VPS41: variants seen among roughly 807,000 people sequenced by gnomAD.
VPS41 encodes the protein vacuolar protein sorting-associated protein 41 homolog.
A neutral mutation model predicts 130.9 loss-of-function variants in VPS41; 85 were observed. The ratio of observed to expected loss-of-function variants is 0.65; its 90% CI spans 0.55 to 0.78. The LOEUF (loss-of-function observed/expected upper bound fraction) is 0.78. VPS41 is among the 30% of genes least tolerant of loss of function. The pLI is 0.00. For synonymous variants in VPS41, 335 were observed against 332.9 expected, an observed-to-expected ratio of 1.01 and a Z score of -0.07; for missense variants, 874 against 1,018.7, an observed-to-expected ratio of 0.86 and a Z score of 1.93.
intron 4 of VPS41, among the ~76,000 whole-genome samples, chr7:38,837,618 T>C (rs1785522987): frequency 6.6e-6 from 1 of 152,230 alleles, no homozygotes; most frequent in African/African-American, 2.4e-5. Flanking sequence ...AGGGTGGTTT[T>C]GGGAATCCCC....
intron 22 of VPS41, among the ~76,000 whole-genome samples, chr7:38,751,301 C>A (rs1783668101): frequency 6.6e-6 from 1 of 152,148 alleles, no homozygotes; most frequent in South Asian, 2.1e-4. Context: ...TTTTGTTGGT[C>A]CACACAGCTG....
chr7:38,730,860 C>T (rs1795649939), intron 25 of VPS41, among the ~76,000 whole-genome samples: 1 of 152,094 alleles, frequency 6.6e-6, no homozygotes, highest in South Asian at 2.1e-4. Context: ...AAGAGAAAGG[C>T]AGGGCCAGCA....
intron 2 of VPS41, among the ~76,000 whole-genome samples, chr7:38,883,974 G>A (rs747370602): frequency 2.0e-5 from 3 of 152,180 alleles, no homozygotes; most frequent in Non-Finnish European, 2.9e-5. Context: ...GTGCTATGTG[G>A]AAGCTATGTG....
At position 38,731,686 on chromosome 7, in the gene VPS41, G is replaced by T. The variant is rs539529607; in HGVS notation, c.2260-2895C>A. Among the ~76,000 whole-genome samples the T allele has an allele frequency of 4.6e-5, 7 of 152,078 alleles. No homozygotes were observed. The South Asian group carries it at 1.5e-3, about 32-fold the overall frequency. ...CACATGCACACTCTTCTGTTACTCA[G>T]GTTTCGATGACCAGAATGGCACTGA... is the stretch of plus-strand genomic sequence containing the variant. On this transcript the variant is annotated intron_variant, in intron 25 of 28. Coordinates refer to ENST00000310301, the MANE Select transcript of VPS41 (RefSeq NM_014396.4).
At chr7:38,745,048 T>C (rs1795959726) in intron 23 of VPS41, among the ~76,000 whole-genome samples, 1 of 152,206 alleles carries the variant, frequency 6.6e-6, no homozygotes, top group South Asian at 2.1e-4. Context: ...AAGTTTTGTT[T>C]CTTGGTATGC....
In VPS41 at chr7:38,780,596, C is replaced by T. The variant is rs115354430; in HGVS notation, c.785-3820G>A. 6.9e-3 allele frequency among the ~76,000 whole-genome samples: 1,050 copies of T among 152,244 alleles called. 14 individuals are homozygous for T. The highest frequency in any genetic ancestry group is 0.023 in the African/African-American group (953 of 41,550). On this transcript the variant is annotated intron_variant, in intron 10 of 28. Coordinates refer to ENST00000310301, the MANE Select transcript of VPS41 (RefSeq NM_014396.4). ...GATGAGATGAATACGATTCTGTACA[C>T]GGTCCTCATCCAAAAGGGAGGCTAG... is the stretch of plus-strand genomic sequence containing the variant.
At chr7:38,845,611 T>A (rs901452714) in intron 4 of VPS41, among the ~76,000 whole-genome samples, 4 of 152,228 alleles carry the variant, frequency 2.6e-5, no homozygotes, top group Non-Finnish European at 4.4e-5. Context: ...CCAAGATGTC[T>A]TGAATGGTTG....
intron 8 of VPS41, among the ~76,000 whole-genome samples, chr7:38,795,843 T>C (rs148867512): frequency 8.9e-4 from 136 of 152,316 alleles, no homozygotes; most frequent in African/African-American, 3.0e-3. Context: ...ATGGCATGGG[T>C]GACTCAAACC....
intron 4 of VPS41, among the ~76,000 whole-genome samples, chr7:38,848,750 C>A (rs768869056): frequency 1.6e-4 from 24 of 152,246 alleles, no homozygotes; most frequent in Non-Finnish European, 2.8e-4. Flanking sequence ...CCAAGCCTGG[C>A]CTGCGTGCAG....
At chr7:38,811,018 A>G (rs1047807418) in intron 7 of VPS41, among the ~76,000 whole-genome samples, 24 of 152,140 alleles carry the variant, frequency 1.6e-4, no homozygotes, top group African/African-American at 5.8e-4. Flanking sequence ...CTCAGTTACA[A>G]AAAGAGCAGC....
At position 38,763,476 on chromosome 7, in the gene VPS41, T is replaced by C; in HGVS notation, c.1401A>G (p.Glu467=). 1 of 1,605,708 alleles carries C rather than the reference T, an allele frequency of 6.2e-7. No individual in the cohort carries two copies. Among genetic ancestry groups the C allele is most frequent in the Non-Finnish European group, 8.5e-7 (1 of 1,176,834 alleles). The change falls in exon 17 of 29, where the codon GAA becomes GAG. Residue 467 remains glutamate, a synonymous_variant. Transcript: ENST00000310301. The stretch of plus-strand genomic sequence containing the variant: ...ATACCTCATAATCACTCTCCAAAAA[T>C]TCATGTAAGATCATTTCATAGATGA... ...KPLIYEMILH[E]FLESDYEGFA...
At chr7:38,902,092 C>T (rs139298690) in intron 1 of VPS41, among the ~76,000 whole-genome samples, 2 of 152,272 alleles carry the variant, frequency 1.3e-5, no homozygotes, top group East Asian at 1.9e-4. Context: ...TAAGCCCAAC[C>T]ACCTACCCAA....
chr7:38,825,881 G>A (rs1785264050), intron 5 of VPS41, among the ~76,000 whole-genome samples: 1 of 152,134 alleles, frequency 6.6e-6, no homozygotes, highest in Non-Finnish European at 1.5e-5. Flanking sequence ...CCAGAACACT[G>A]GGCAACAGCC....
At chr7:38,796,412 T>C (rs563722122) in intron 8 of VPS41, 2 of 471,622 alleles carry the variant, frequency 4.2e-6, no homozygotes, top group African/African-American at 2.0e-5. Context: ...AACTCTTACT[T>C]GCCTTTGGCC....
chr7:38,869,506 A>G (rs574420198), intron 2 of VPS41, among the ~76,000 whole-genome samples: 39 of 152,340 alleles, frequency 2.6e-4, no homozygotes, highest in African/African-American at 8.4e-4. Flanking sequence ...CACTAACTTT[A>G]CATGTTCAAC....
rs145736421 is a variant in VPS41, at chr7:38,899,761, C to T, written c.22-1632G>A. Among the ~76,000 whole-genome samples, 17 of 152,278 alleles carry T rather than the reference C, an allele frequency of 1.1e-4. No homozygotes were observed. In the East Asian group the frequency reaches 3.3e-3, roughly 29 times the overall value. ...TGTTATTAGCATCAGCAATACAAGG[C>T]TTTGATAACTATGCCAATAAACCAC... On this transcript the variant is annotated intron_variant, in intron 1 of 28. Transcript: ENST00000310301.
chr7:38,904,094 T>C (rs1303225982), intron 1 of VPS41, among the ~76,000 whole-genome samples: 1 of 152,062 alleles, frequency 6.6e-6, no homozygotes, highest in Non-Finnish European at 1.5e-5. Context: ...CAAGCCATTT[T>C]TAACAAAAAC....
chr7:38,780,093 A>C (rs1562583947), intron 10 of VPS41, among the ~76,000 whole-genome samples: 1 of 136,852 alleles, frequency 7.3e-6, no homozygotes, highest in Non-Finnish European at 1.7e-5. Flanking sequence ...GGAAAAGATA[A>C]ATCACAAAGA....
Position 38,743,420 on chromosome 7 carries a change from AT to A in VPS41, c.2103del (p.Leu701PhefsTer14). The A allele has an allele frequency of 6.2e-7, 1 of 1,613,920 alleles. No individual in the cohort carries two copies. Among genetic ancestry groups the A allele is most frequent in the Non-Finnish European group, 8.5e-7 (1 of 1,179,856 alleles). On this transcript the variant is annotated frameshift_variant, in exon 24 of 29. Transcript: ENST00000310301. LOFTEE classifies it high-confidence loss of function. ...DDGELWEDLILYSIDKPPFIT... is the reference protein window; with the variant it reads ...DDGELWEDLIXYSIDKPPFIT... Reference sequence around the variant, plus strand: ...TGCTTACGTGGTTTGTCAATGGAATATAAAATCAAATCTTCCCACAGCTCTC... The same window carrying A: ...TGCTTACGTGGTTTGTCAATGGAATAAAAATCAAATCTTCCCACAGCTCTC...
Sources: allele counts gnomAD v4.1 joint callset (sites outside exome capture counted in the v4.1 genomes callset), GRCh38; gene constraint gnomAD v4.1.1; transcripts MANE v1.5; gene names NCBI Gene and HGNC (gene_info 2026-07-23, HGNC 2026-07-21).